The following CPEB3 variants were observed in gnomAD, a reference collection of about 807,000 sequenced individuals.
The protein encoded by CPEB3 is cytoplasmic polyadenylation element-binding protein 3.
Under a neutral mutation model 67.2 loss-of-function variants are expected in CPEB3, and 20 were observed. The observed-to-expected ratio is 0.30, with a 90% CI of 0.21 to 0.43. The LOEUF (loss-of-function observed/expected upper bound fraction) is 0.43, where lower values mean the gene tolerates loss of function less well. Ranked by LOEUF, CPEB3 falls within the 20% of genes least tolerant of loss-of-function variation. The probability of loss-of-function intolerance (pLI) is 1.00; values close to 1 mark genes in which losing one functional copy is unlikely to be tolerated. For synonymous variants in CPEB3, 376 were observed against 393.1 expected, an observed-to-expected ratio of 0.96 and a Z score of 0.51; for missense variants, 746 against 968.6, an observed-to-expected ratio of 0.77 and a Z score of 3.05.
At chr10:92,111,234 G>T in intron 6 of CPEB3, 40 bp from the exon 7 acceptor site, 1 of 1,282,044 alleles carries the variant, frequency 7.8e-7, no homozygotes, top group Non-Finnish European at 1.1e-6. Context: ...GGAAGAATCA[G>T]TACATTAAAC....
chr10:92,165,068 AG>A (rs1847672818), intron 4 of CPEB3, among the ~76,000 whole-genome samples: 1 of 152,210 alleles, frequency 6.6e-6, no homozygotes, highest in African/African-American at 2.4e-5. Context: ...AGCGCATACA[AG>A]TTATGTTTAT....
chr10:92,109,292 G>A (rs1168588889), intron 7 of CPEB3, among the ~76,000 whole-genome samples: 1 of 149,580 alleles, frequency 6.7e-6, no homozygotes, highest in Admixed American at 6.7e-5. Flanking sequence ...TCACTCTGTC[G>A]CCCAGGTTGG....
intron 2 of CPEB3, among the ~76,000 whole-genome samples, chr10:92,209,943 A>G (rs1464616091): frequency 2.0e-5 from 3 of 148,024 alleles, no homozygotes; most frequent in Non-Finnish European, 4.5e-5. Flanking sequence ...CTCTGTCTCA[A>G]AAAAAAAAAA....
chr10:92,058,594 T>TAC (rs58218665), intron 9 of CPEB3, among the ~76,000 whole-genome samples: 47,163 of 134,162 alleles, frequency 0.35, 8,925 homozygotes, highest in South Asian at 0.49. Context: ...CATACATACA[T>TAC]ATATATATAT....
rs553506091 is a variant in CPEB3, at chr10:92,058,763, TAAAG to T, written c.1870-6328_1870-6325del. Among the ~76,000 whole-genome samples the T allele has an allele frequency of 2.3e-4, 35 of 152,004 alleles. No homozygotes were observed. The South Asian group carries it at 6.9e-3, about 30-fold the overall frequency. On this transcript the variant is annotated intron_variant, in intron 9 of 9. Coordinates refer to ENST00000265997, the MANE Select transcript of CPEB3 (RefSeq NM_014912.5). ...CTAGATCTTCTAGACCAAAAATCAA[TAAAG>T]AAACATCTTTATTGATGAAAGATGC...
At chr10:92,138,172 C>T (rs977743784) in intron 6 of CPEB3, 2 of 209,402 alleles carry the variant, frequency 9.6e-6, no homozygotes, top group Non-Finnish European at 2.0e-5. Context: ...CAGAGGCATT[C>T]ATGTGCAGCA....
At chr10:92,128,448 G>C (rs554282189) in intron 6 of CPEB3, among the ~76,000 whole-genome samples, 11 of 152,200 alleles carry the variant, frequency 7.2e-5, no homozygotes, top group Non-Finnish European at 1.5e-4. Flanking sequence ...AAGCAAGTCA[G>C]TTATGGTACA....
intron 2 of CPEB3, chr10:92,204,388 TC>T (rs1849681821): frequency 6.6e-6 from 1 of 152,206 alleles, no homozygotes; most frequent in Non-Finnish European, 1.5e-5. Flanking sequence ...AACAGCTGTG[TC>T]AATTTGGGCT....
chr10:92,125,263 A>AC (rs1483668389), intron 6 of CPEB3, among the ~76,000 whole-genome samples: 1 of 152,194 alleles, frequency 6.6e-6, no homozygotes, highest in Non-Finnish European at 1.5e-5. Context: ...GCTGAAGCTG[A>AC]CACTGTAAGC....
At chr10:92,232,031 A>G (rs888136347) in intron 2 of CPEB3, among the ~76,000 whole-genome samples, 1 of 150,120 alleles carries the variant, frequency 6.7e-6, no homozygotes, top group Admixed American at 6.7e-5. Flanking sequence ...CAAACTTTTC[A>G]TATTGCAGTA....
chr10:92,182,038 T>C (rs1414868393), intron 3 of CPEB3, among the ~76,000 whole-genome samples: 1 of 152,214 alleles, frequency 6.6e-6, no homozygotes, highest in Non-Finnish European at 1.5e-5. Flanking sequence ...TTGACCAAAT[T>C]CCTTCAACAA....
At position 92,050,385 on chromosome 10, in the gene CPEB3, A is replaced by C. The variant is rs867786022; in HGVS notation, c.*1827T>G. 5.2e-5 allele frequency: 8 copies of C among 152,802 alleles called. No individual in the cohort carries two copies. Among genetic ancestry groups the C allele is most frequent in the African/African-American group, 1.9e-4 (8 of 41,594 alleles). The allele number at this position is 152,802 out of a possible 1,614,324, so 9.5% of individuals were successfully genotyped here. On this transcript the variant is annotated 3_prime_UTR_variant, in exon 10 of 10. Transcript: ENST00000265997. Reference sequence around the variant, plus strand: ...AAGCAACACTAACTTAAGACAGTACAAGGACATCACAGCACAGAAAACACA... The same window carrying C: ...AAGCAACACTAACTTAAGACAGTACCAGGACATCACAGCACAGAAAACACA...
chr10:92,171,460 G>A (rs543414237), intron 4 of CPEB3, among the ~76,000 whole-genome samples: 1 of 151,976 alleles, frequency 6.6e-6, no homozygotes, highest in East Asian at 1.9e-4. Context: ...TTCACCCTAC[G>A]CCAATGAAAT....
chr10:92,243,026 GTTTT>G (rs958841712), intron 1 of CPEB3: 5 of 151,906 alleles, frequency 3.3e-5, no homozygotes, highest in Non-Finnish European at 7.4e-5. Context: ...GTTTTTTTGG[GTTTT>G]TTGTTTTTGT....
chr10:92,280,756 T>TA (rs1319986065), intron 1 of CPEB3, among the ~76,000 whole-genome samples: 2 of 140,770 alleles, frequency 1.4e-5, no homozygotes, highest in African/African-American at 5.3e-5. Context: ...ATCTATTCTT[T>TA]TTTTTTTTTT....
chr10:92,081,238 A>G, intron 9 of CPEB3, 82 bp downstream of exon 9: 1 of 1,453,532 alleles, frequency 6.9e-7, no homozygotes, highest in Admixed American at 1.7e-5. Flanking sequence ...ACTTATGATC[A>G]TAAGGTGCCT....
chr10:92,188,851 A>G (rs1590340449), intron 3 of CPEB3, among the ~76,000 whole-genome samples: 1 of 152,338 alleles, frequency 6.6e-6, no homozygotes, highest in African/African-American at 2.4e-5. Flanking sequence ...CTTTTATTCT[A>G]TATAATTTTT....
At chr10:92,275,781 T>C (rs1318439487) in intron 1 of CPEB3, among the ~76,000 whole-genome samples, 1 of 151,956 alleles carries the variant, frequency 6.6e-6, no homozygotes, top group Admixed American at 6.6e-5. Context: ...CCAGCTCCTG[T>C]CACATAGCAA....
chr10:92,134,367 C>G (rs192622010), intron 6 of CPEB3, among the ~76,000 whole-genome samples: 1 of 151,858 alleles, frequency 6.6e-6, no homozygotes, highest in East Asian at 1.9e-4. Context: ...TTCCTATATA[C>G]CAATATCAGA....
Sources: gnomAD v4.1 joint callset for allele counts (sites outside exome capture counted in the v4.1 genomes callset) on GRCh38, gnomAD v4.1.1 for gene constraint, MANE v1.5 for transcripts, NCBI Gene and HGNC (gene_info 2026-07-23, HGNC 2026-07-21) for gene names.